DAGLA: variants seen among roughly 807,000 people sequenced by gnomAD.
The protein encoded by DAGLA is diacylglycerol lipase-alpha.
Under a neutral mutation model 102.6 loss-of-function variants are expected in DAGLA, and 22 were observed. That is an observed-to-expected ratio of 0.21 (90% CI 0.15 to 0.31). The LOEUF is 0.31. Among genes scored for constraint, DAGLA ranks in the 10% least tolerant of loss-of-function variants. DAGLA has a pLI of 1.00. For missense variants in DAGLA, 927 were observed against 1,446.6 expected, an observed-to-expected ratio of 0.64 and a Z score of 5.83; for synonymous variants, 578 against 628.9, an observed-to-expected ratio of 0.92 and a Z score of 1.21.
chr11:61,692,279 T>G (rs1052746491), intron 1 of DAGLA, among the ~76,000 whole-genome samples: 1 of 152,038 alleles, frequency 6.6e-6, no homozygotes, highest in Non-Finnish European at 1.5e-5. Flanking sequence ...TCAGAATCGC[T>G]GGGAGGGGAG....
intron 1 of DAGLA, among the ~76,000 whole-genome samples, chr11:61,701,783 T>A (rs1416348128): frequency 6.6e-6 from 1 of 152,032 alleles, no homozygotes; most frequent in Non-Finnish European, 1.5e-5. Flanking sequence ...GTTTTCTTGT[T>A]TTGTTTTTAG....
At chr11:61,741,415 G>A (rs1426122421) in intron 19 of DAGLA, 66 bp downstream of exon 19, 33 of 1,526,328 alleles carry the variant, frequency 2.2e-5, no homozygotes, top group Non-Finnish European at 2.8e-5. Context: ...AGACTTGTGT[G>A]CACATGCATT....
chr11:61,718,288 G>A (rs1565255501), intron 1 of DAGLA, among the ~76,000 whole-genome samples: 7 of 152,086 alleles, frequency 4.6e-5, no homozygotes. Context: ...GGGGCGTACT[G>A]CCCCCCCAGC....
At chr11:61,730,711 C>G (rs1565260772) in intron 8 of DAGLA, among the ~76,000 whole-genome samples, 1 of 152,178 alleles carries the variant, frequency 6.6e-6, no homozygotes, top group Non-Finnish European at 1.5e-5. Flanking sequence ...GTGCCTTTCT[C>G]CCAAGAGATC....
chr11:61,735,891 G>T (rs1473846402), intron 12 of DAGLA, 75 bp downstream of exon 12: 3 of 1,391,164 alleles, frequency 2.2e-6, no homozygotes, highest in East Asian at 2.5e-5. Flanking sequence ...GTGTATGGTT[G>T]GGGGTTCCTC....
intron 1 of DAGLA, among the ~76,000 whole-genome samples, chr11:61,708,296 C>T (rs530071658): frequency 4.5e-4 from 69 of 152,154 alleles, no homozygotes; most frequent in Non-Finnish European, 7.8e-4. Context: ...GCGTGAGCCA[C>T]CGCGCCCGAC....
At position 61,728,993 on chromosome 11, in the gene DAGLA, C is replaced by G. The variant is rs774922030; in HGVS notation, c.834C>G (p.Leu278=). The G allele has an allele frequency of 6.2e-7, 1 of 1,614,094 alleles. No individual in the cohort carries two copies. Among genetic ancestry groups the G allele is most frequent in the Non-Finnish European group, 8.5e-7 (1 of 1,179,936 alleles). The change falls in exon 8 of 20, where the codon CTC becomes CTG. Residue 278 remains leucine, a synonymous_variant. Coordinates refer to ENST00000257215, the MANE Select transcript of DAGLA (RefSeq NM_006133.3). Reference sequence around the variant, plus strand: ...CGGTGACCAGAAACACCAAGTACCTCGACCTCAAGAATTCAGTGAGTCAGA... The same window carrying G: ...CGGTGACCAGAAACACCAAGTACCTGGACCTCAAGAATTCAGTGAGTCAGA... ...GMPVTRNTKY[L]DLKNSQEMLR... is the part of the protein sequence containing the mutation.
At chr11:61,740,719 A>C in intron 18 of DAGLA, 127 bp downstream of exon 18, 1 of 1,274,164 alleles carries the variant, frequency 7.8e-7, no homozygotes, top group Admixed American at 2.1e-5. Context: ...AGAAGTAGGT[A>C]GCTGGGCCAG....
At position 61,744,391 on chromosome 11, in the gene DAGLA, C is replaced by T. The variant is rs1591058165; in HGVS notation, c.3031C>T (p.Gln1011Ter). 1 of 1,611,360 alleles carries T rather than the reference C, an allele frequency of 6.2e-7. No individual in the cohort carries two copies. Among genetic ancestry groups the T allele is most frequent in the East Asian group, 2.2e-5 (1 of 44,802 alleles). Residue 1011 changes from glutamine (Q) to a stop codon, truncating the protein, a stop_gained, in exon 20 of 20, where the codon CAG becomes TAG. Coordinates refer to ENST00000257215, the MANE Select transcript of DAGLA (RefSeq NM_006133.3). LOFTEE classifies it high-confidence loss of function. ...CCTGACGCCCACGGGCCTCAGTAGC[C>T]AGGAATGCCTGGCGGCTGACAAGAT... Reference protein sequence around the residue: ...MDLTPTGLSSQECLAADKIRT... With the variant: ...MDLTPTGLSS
intron 1 of DAGLA, among the ~76,000 whole-genome samples, chr11:61,690,987 T>C (rs1178201229): frequency 6.6e-6 from 1 of 152,152 alleles, no homozygotes; most frequent in Non-Finnish European, 1.5e-5. Flanking sequence ...TCGCACAGCA[T>C]GGCTCCTCTC....
At chr11:61,718,638 C>A (rs912244611) in intron 1 of DAGLA, among the ~76,000 whole-genome samples, 1 of 151,442 alleles carries the variant, frequency 6.6e-6, no homozygotes, top group Non-Finnish European at 1.5e-5. Flanking sequence ...CATGCTCCCT[C>A]ACTCTCCACC....
intron 1 of DAGLA, among the ~76,000 whole-genome samples, chr11:61,694,139 A>G (rs571697629): frequency 1.7e-4 from 26 of 152,378 alleles, no homozygotes; most frequent in Admixed American, 1.1e-3. Flanking sequence ...GCATTCCTCT[A>G]TGAGCTTAGG....
In DAGLA at chr11:61,680,462, G is replaced by A. The variant is rs924075538; in HGVS notation, c.-87G>A. 6.6e-6 allele frequency: 1 copy of A among 152,080 alleles called. No homozygotes were observed. Among genetic ancestry groups the A allele is most frequent in the East Asian group, 1.9e-4 (1 of 5,150 alleles). 9.4% of individuals were successfully genotyped at this position (152,080 alleles called of 1,614,324 possible). ...GGGCCTTGGGGAGCCCAGGATGGAGGTGGCGGTCGCGGCGGCGGGCCGAGC... is the reference window on the plus strand; with the variant it reads ...GGGCCTTGGGGAGCCCAGGATGGAGATGGCGGTCGCGGCGGCGGGCCGAGC... On this transcript the variant is annotated 5_prime_UTR_variant, in exon 1 of 20. The change creates a new upstream start codon in the 5' untranslated region. Coordinates refer to ENST00000257215, the MANE Select transcript of DAGLA (RefSeq NM_006133.3).
chr11:61,739,112 C>T (rs736121), intron 16 of DAGLA, among the ~76,000 whole-genome samples: 26,916 of 152,188 alleles, frequency 0.18, 2,683 homozygotes, highest in South Asian at 0.34. Flanking sequence ...TGTTTGGCCT[C>T]GGACTTGTGG....
Position 61,735,728 on chromosome 11 carries a change from C to T in DAGLA, c.1213-11C>T, listed in dbSNP as rs778922557. 34 of 1,613,372 alleles carry T rather than the reference C, an allele frequency of 2.1e-5. No homozygotes were observed. The highest frequency in any genetic ancestry group is 2.7e-5 in the Non-Finnish European group (32 of 1,179,718). The stretch of plus-strand genomic sequence containing the variant: ...TTAGCCGCCCCCTCACCTGTCTCCT[C>T]TCTCCCCAAGGATGCCCTGACTGAC... On this transcript the variant is annotated splice_polypyrimidine_tract_variant and intron_variant, in intron 11 of 19. Transcript: ENST00000257215.
chr11:61,693,608 A>C (rs965114579), intron 1 of DAGLA, among the ~76,000 whole-genome samples: 1 of 152,124 alleles, frequency 6.6e-6, no homozygotes, highest in Non-Finnish European at 1.5e-5. Context: ...CGGCCTCCCA[A>C]AGTGCTGGGA....
At position 61,720,174 on chromosome 11, in the gene DAGLA, T is replaced by C. The variant is rs1409783982; in HGVS notation, c.19T>C (p.Phe7Leu). 1 of 1,613,302 alleles carries C rather than the reference T, an allele frequency of 6.2e-7. No homozygotes were observed. Reference sequence around the variant, plus strand: ...ACCAGCCATGCCCGGGATCGTGGTGTTCCGGCGGCGCTGGTCTGTGGGCAG... The same window carrying C: ...ACCAGCCATGCCCGGGATCGTGGTGCTCCGGCGGCGCTGGTCTGTGGGCAG... The part of the protein sequence containing the change: MPGIVV[F>L]RRRWSVGSDD... The change falls in exon 2 of 20, where the codon TTC becomes CTC. Residue 7 changes from phenylalanine (F) to leucine (L), a missense_variant. Transcript: ENST00000257215.
At chr11:61,702,464 C>T (rs907918889) in intron 1 of DAGLA, among the ~76,000 whole-genome samples, 2 of 152,148 alleles carry the variant, frequency 1.3e-5, no homozygotes, top group African/African-American at 4.8e-5. Context: ...GGCTGCAGAC[C>T]CTTATAAACT....
chr11:61,743,881 C>T lies in DAGLA; in HGVS notation c.2521C>T (p.Leu841=), dbSNP rs2065507992. The T allele has an allele frequency of 1.2e-6, 2 of 1,612,432 alleles. No individual in the cohort carries two copies. Among genetic ancestry groups the T allele is most frequent in the Admixed American group, 3.3e-5 (2 of 60,034 alleles). ...NPSLSSRTEL[L]AADSLSKHSQ... ...ATCCCTGAGCTCGCGCACTGAGCTG[C>T]TGGCGGCCGACAGCCTGTCCAAGCA... Residue 841 remains leucine (L), a synonymous_variant, in exon 20 of 20, where the codon CTG becomes TTG. Coordinates refer to ENST00000257215, the MANE Select transcript of DAGLA (RefSeq NM_006133.3).
Sources: allele counts gnomAD v4.1 joint callset (sites outside exome capture counted in the v4.1 genomes callset), GRCh38; gene constraint gnomAD v4.1.1; transcripts MANE v1.5; gene names NCBI Gene and HGNC (gene_info 2026-07-23, HGNC 2026-07-21).